CCDC102B: variants seen among roughly 807,000 people sequenced by gnomAD.
CCDC102B encodes the protein coiled-coil domain-containing protein 102B.
Under a neutral mutation model 57.4 loss-of-function variants are expected in CCDC102B, and 75 were observed. The observed-to-expected ratio is 1.31, with a 90% CI of 1.08 to 1.58. CCDC102B has a LOEUF of 1.58. Among genes scored for constraint, CCDC102B ranks in the 40% most tolerant of loss-of-function variants. The pLI, the probability that CCDC102B is intolerant of heterozygous loss-of-function variation, is 0.00. For missense variants in CCDC102B, 636 were observed against 582.6 expected (o/e 1.09, Z -0.94); for synonymous variants, 206 against 201.9 (o/e 1.02, Z -0.17).
At chr18:69,047,304 A>C (rs963741404) in intron 7 of CCDC102B, among the ~76,000 whole-genome samples, 54 of 152,042 alleles carry the variant, frequency 3.6e-4, no homozygotes, top group African/African-American at 1.2e-3. Flanking sequence ...TGATTATCTC[A>C]ATAGATACAG....
intron 2 of CCDC102B, chr18:68,838,370 T>C: frequency 1.0e-6 from 1 of 973,560 alleles, no homozygotes; most frequent in Non-Finnish European, 1.2e-6. Flanking sequence ...AAAAGAAACT[T>C]GAAAGAGGAA....
rs189668511 is a variant in CCDC102B, at chr18:68,893,945, G to A, written c.1054-3274G>A. On this transcript the variant is annotated intron_variant, in intron 5 of 7. Transcript: ENST00000360242. ...CACAGACTCTTCTTGGTCTTGCACTGTTCAAACATTTTTCTTGCTTTCTGT... is the reference window on the plus strand; with the variant it reads ...CACAGACTCTTCTTGGTCTTGCACTATTCAAACATTTTTCTTGCTTTCTGT... Among the ~76,000 whole-genome samples, 4 of 152,160 alleles carry A rather than the reference G, an allele frequency of 2.6e-5. No individual in the cohort carries two copies. The East Asian group carries it at 5.8e-4, about 22-fold the overall frequency.
intron 7 of CCDC102B, among the ~76,000 whole-genome samples, chr18:69,024,305 G>A (rs1223937242): frequency 6.6e-6 from 1 of 151,848 alleles, no homozygotes. Flanking sequence ...ATCATTTTTG[G>A]AGGCTCCTCC....
intron 1 of CCDC102B, among the ~76,000 whole-genome samples, chr18:68,803,620 C>T (rs990584574): frequency 6.6e-6 from 1 of 152,098 alleles, no homozygotes; most frequent in African/African-American, 2.4e-5. Context: ...TGGGAATGAG[C>T]GAGGCAGGGA....
chr18:68,925,481 A>T (rs2041446977), intron 6 of CCDC102B, among the ~76,000 whole-genome samples: 1 of 151,984 alleles, frequency 6.6e-6, no homozygotes, highest in Non-Finnish European at 1.5e-5. Flanking sequence ...GTGACATCAG[A>T]TTAGAAAAAG....
intron 6 of CCDC102B, among the ~76,000 whole-genome samples, chr18:68,971,440 A>T (rs769985498): frequency 6.6e-6 from 1 of 152,164 alleles, no homozygotes; most frequent in Non-Finnish European, 1.5e-5. Flanking sequence ...GGAAAATGAA[A>T]GTCAATACTT....
intron 4 of CCDC102B, among the ~76,000 whole-genome samples, chr18:68,870,860 G>A (rs2039213475): frequency 6.6e-6 from 1 of 152,112 alleles, no homozygotes; most frequent in Non-Finnish European, 1.5e-5. Flanking sequence ...AAAATGTGAG[G>A]CAAAATGACG....
At chr18:68,940,781 A>T (rs2049358797) in intron 6 of CCDC102B, among the ~76,000 whole-genome samples, 1 of 151,940 alleles carries the variant, frequency 6.6e-6, no homozygotes. Context: ...TCTAGAATTA[A>T]TGTACAGAAT....
chr18:68,805,657 C>G (rs1047694567), intron 1 of CCDC102B, among the ~76,000 whole-genome samples: 4 of 151,884 alleles, frequency 2.6e-5, no homozygotes, highest in Non-Finnish European at 5.9e-5. Context: ...CAGAGAGGTG[C>G]TTATCATTGA....
At chr18:68,795,337 G>A (rs1484739500), upstream of CCDC102B, among the ~76,000 whole-genome samples, 2 of 152,086 alleles carry the variant, frequency 1.3e-5, no homozygotes, top group African/African-American at 4.8e-5. Flanking sequence ...CAGATCTGAA[G>A]CTTTAGAAAC....
chr18:68,942,699 G>A (rs1388269007), intron 6 of CCDC102B, among the ~76,000 whole-genome samples: 2 of 151,918 alleles, frequency 1.3e-5, no homozygotes, highest in Middle Eastern at 3.2e-3. Flanking sequence ...ATATACAATC[G>A]GGTTTTACAT....
Position 69,054,474 on chromosome 18 carries a change from G to T in CCDC102B, c.*337G>T, listed in dbSNP as rs1448018455. On this transcript the variant is annotated 3_prime_UTR_variant, in exon 8 of 8. Coordinates refer to ENST00000360242, the MANE Select transcript of CCDC102B (RefSeq NM_024781.3). The stretch of plus-strand genomic sequence containing the variant: ...AAAAAGTAAGTTGAAAACCATACAA[G>T]ACGCTGGGTCATTAATAAGAAAACC... 9.9e-7 allele frequency: 1 copy of T among 1,013,418 alleles called. No homozygotes were observed. Among genetic ancestry groups the T allele is most frequent in the Non-Finnish European group, 1.2e-6 (1 of 848,790 alleles). The allele number at this position is 1,013,418 out of a possible 1,614,324, so 62.8% of individuals were successfully genotyped here. A position where few individuals can be genotyped will look rare whatever the true frequency, so the allele number is the denominator to read the frequency against.
At chr18:68,975,827 A>C (rs372093925) in intron 6 of CCDC102B, among the ~76,000 whole-genome samples, 1 of 149,334 alleles carries the variant, frequency 6.7e-6, no homozygotes, top group Admixed American at 6.7e-5. Context: ...AACATTCTAC[A>C]CCCCAGTAGT....
chr18:68,837,230 A>G lies in CCDC102B; in HGVS notation c.467A>G (p.Gln156Arg). The G allele has an allele frequency of 1.9e-6, 3 of 1,614,182 alleles. No homozygotes were observed. Among genetic ancestry groups the G allele is most frequent in the Non-Finnish European group, 2.5e-6 (3 of 1,180,024 alleles). The change falls in exon 2 of 8, where the codon CAG becomes CGG. Residue 156 changes from glutamine to arginine, a missense_variant. By Grantham distance (43) the Gln-to-Arg change is conservative. Coordinates refer to ENST00000360242, the MANE Select transcript of CCDC102B (RefSeq NM_024781.3). ...GAGGCATTAGAAGCTAAAGTTACCC[A>G]GGATCTGAAGCTTCCTGGCTTCGTA... ...QKEALEAKVT[Q>R]DLKLPGFVEE...
At position 68,897,395 on chromosome 18, in the gene CCDC102B, G is replaced by A. The variant is rs377124130; in HGVS notation, c.1230G>A (p.Lys410=). 6 of 1,611,848 alleles carry A rather than the reference G, an allele frequency of 3.7e-6. No individual in the cohort carries two copies. The highest frequency in any genetic ancestry group is 5.1e-6 in the Non-Finnish European group (6 of 1,178,900). The change falls in exon 6 of 8, where the codon AAG becomes AAA. Residue 410 remains lysine, a synonymous_variant. Coordinates refer to ENST00000360242, the MANE Select transcript of CCDC102B (RefSeq NM_024781.3). ...CAAACTCTCAAAGTCCTGATTTCAA[G>A]ATGTCACAAATTGATCTGCAAGAAA... is the stretch of plus-strand genomic sequence containing the variant. ...LSANSQSPDF[K]MSQIDLQEKN...
intron 6 of CCDC102B, among the ~76,000 whole-genome samples, chr18:69,008,143 A>G (rs2051403699): frequency 6.6e-6 from 1 of 152,192 alleles, no homozygotes; most frequent in Non-Finnish European, 1.5e-5. Context: ...ACAGATCAAG[A>G]AAGATCTTTT....
rs1161560733 is a variant in CCDC102B at position 68,830,773 on chromosome 18, C to A, written c.-15-5976C>A. On this transcript the variant is annotated intron_variant, in intron 1 of 7. Transcript: ENST00000360242. ...TATTTTAGAGCAGAGCTTTCTTGAA[C>A]CTGCTTGGCATCCCAAGTACTTCAT... is the stretch of plus-strand genomic sequence containing the variant. 3.3e-5 allele frequency among the ~76,000 whole-genome samples: 5 copies of A among 151,776 alleles called. No individual in the cohort carries two copies. In the South Asian group the frequency reaches 1.0e-3, roughly 32 times the overall value.
At chr18:68,869,691 A>G (rs948368950) in intron 4 of CCDC102B, among the ~76,000 whole-genome samples, 2 of 152,222 alleles carry the variant, frequency 1.3e-5, no homozygotes, top group Non-Finnish European at 2.9e-5. Context: ...CTCTGATGAT[A>G]GTTTCTTTTG....
At chr18:69,048,642 A>G (rs2052624117) in intron 7 of CCDC102B, among the ~76,000 whole-genome samples, 1 of 152,148 alleles carries the variant, frequency 6.6e-6, no homozygotes, top group Non-Finnish European at 1.5e-5. Flanking sequence ...TATTAACAAA[A>G]TGTTCATTCT....
Sources: gnomAD v4.1 joint callset for allele counts (sites outside exome capture counted in the v4.1 genomes callset) on GRCh38, gnomAD v4.1.1 for gene constraint, MANE v1.5 for transcripts, NCBI Gene and HGNC (gene_info 2026-07-23, HGNC 2026-07-21) for gene names.